Variants in BTD observed in about 807,000 individuals in gnomAD.
The protein encoded by BTD is biocytinase.
Under a neutral mutation model 17.7 loss-of-function variants are expected in BTD, and 13 were observed. That is an observed-to-expected ratio of 0.74 (90% CI 0.48 to 1.17). BTD has a LOEUF of 1.17. Among genes scored for constraint, BTD ranks in the 50% most tolerant of loss-of-function variants. BTD has a pLI of 0.00. For synonymous variants in BTD, 240 were observed against 245.2 expected, an observed-to-expected ratio of 0.98 and a Z score of 0.20; for missense variants, 674 against 650.4, an observed-to-expected ratio of 1.04 and a Z score of -0.39.
At position 15,631,357 on chromosome 3, in the gene BTD, T is replaced by C; in HGVS notation, c.-16-4067T>C. On this transcript the variant is annotated intron_variant, in intron 1 of 3. Transcript: ENST00000643237. ...TGTTTTATTTATCTTTTAAAGATTT[T>C]TTAATGTATGTATCTGCCTCTGAAA... 3 of 1,059,740 alleles carry C rather than the reference T, an allele frequency of 2.8e-6. No individual in the cohort carries two copies. In the Admixed American group the frequency reaches 8.3e-5, roughly 29 times the overall value. The allele number at this position is 1,059,740 out of a possible 1,614,324, so 65.6% of individuals were successfully genotyped here.
At chr3:15,627,391 T>TA (rs200605855) in intron 1 of BTD, among the ~76,000 whole-genome samples, 23 of 152,284 alleles carry the variant, frequency 1.5e-4, no homozygotes, top group East Asian at 3.9e-4. Flanking sequence ...CCCAGCTAAT[T>TA]AAAAAAATTT....
At chr3:15,670,244 G>A (rs750337322) in intron 3 of BTD, 2 of 1,604,878 alleles carry the variant, frequency 1.2e-6, no homozygotes, top group South Asian at 1.1e-5. Context: ...AAGCTTTACT[G>A]TGAGAACTCC....
chr3:15,636,491 T>C (rs1046006821), intron 2 of BTD, among the ~76,000 whole-genome samples: 2 of 152,164 alleles, frequency 1.3e-5, no homozygotes, highest in South Asian at 4.1e-4. Flanking sequence ...AATGCCCTGC[T>C]GGAAAACACA....
At chr3:15,657,127 C>G (rs35546547), downstream of BTD, among the ~76,000 whole-genome samples, 22,433 of 152,114 alleles carry the variant, frequency 0.15, 2,104 homozygotes, top group East Asian at 0.41. Flanking sequence ...GTTTCCCAGA[C>G]AGGGTATTAT....
At chr3:15,612,745 C>T (rs559003452) in intron 1 of BTD, among the ~76,000 whole-genome samples, 3 of 151,080 alleles carry the variant, frequency 2.0e-5, no homozygotes, top group East Asian at 3.9e-4. Context: ...ATTTACCCTA[C>T]GACCTATTCA....
intron 4 of BTD, among the ~76,000 whole-genome samples, chr3:15,719,121 C>T (rs1156978331): frequency 1.3e-5 from 2 of 152,028 alleles, no homozygotes; most frequent in Admixed American, 6.6e-5. Context: ...TATTAGGGCA[C>T]TTTGTGACAT....
At chr3:15,713,398 G>C (rs1575328786), downstream of BTD, 1 of 665,092 alleles carries the variant, frequency 1.5e-6, no homozygotes. Context: ...CAATACAAAA[G>C]AAAGTTCAAG....
downstream of BTD, among the ~76,000 whole-genome samples, chr3:15,717,060 T>C (rs117546044): frequency 2.0e-5 from 3 of 152,370 alleles, no homozygotes; most frequent in East Asian, 5.8e-4. Context: ...AATCTTGTTT[T>C]ATAGATGAGG....
At position 15,706,228 on chromosome 3, in the gene BTD, T is replaced by C. The variant is rs1015445169; in HGVS notation, c.400-3832T>C. 1.9e-4 allele frequency among the ~76,000 whole-genome samples: 29 copies of C among 152,234 alleles called. 1 individual carries two copies. Among genetic ancestry groups the C allele is most frequent in the South Asian group, 1.0e-3 (5 of 4,828 alleles). On this transcript the variant is annotated intron_variant, in intron 3 of 3. Coordinates refer to the BTD transcript ENST00000672141. ...TTACATTAGGTATACCTCCTAATGC[T>C]ATCCCTCCCCCTCCTCCCCACCCCA... is the stretch of plus-strand genomic sequence containing the variant.
Position 15,650,723 on chromosome 3 carries a change from T to G in BTD, c.*5235T>G, listed in dbSNP as rs1163724368. ...AGAGATGAACAACCTGGGCTCTTGC[T>G]TAGGGCACGTGCCCATCCTGAATCA... On this transcript the variant is annotated 3_prime_UTR_variant, in exon 4 of 4. Coordinates refer to ENST00000643237, the MANE Select transcript of BTD (RefSeq NM_001370658.1). Among the ~76,000 whole-genome samples the G allele has an allele frequency of 6.6e-6, 1 of 152,220 alleles. No individual in the cohort carries two copies. Among genetic ancestry groups the G allele is most frequent in the Non-Finnish European group, 1.5e-5 (1 of 68,032 alleles).
intron 4 of BTD, among the ~76,000 whole-genome samples, chr3:15,719,167 C>T (rs1322958115): frequency 1.3e-5 from 2 of 152,058 alleles, no homozygotes; most frequent in Non-Finnish European, 2.9e-5. Flanking sequence ...AGTATGTATA[C>T]ATTTTGTCCT....
exon 4 of BTD, chr3:15,711,284 T>C (rs1419987297): frequency 3.8e-6 from 6 of 1,598,108 alleles, no homozygotes; most frequent in Non-Finnish European, 5.1e-6. Context: ...CCTACAAGAA[T>C]GAATACATCT....
At chr3:15,602,317 T>G in intron 1 of BTD, 6 of 1,097,730 alleles carry the variant, frequency 5.5e-6, no homozygotes, top group Non-Finnish European at 6.7e-6. Context: ...GAAGGTAGTA[T>G]AGAGCACTGT....
intron 1 of BTD, chr3:15,630,134 A>G (rs1220828470): frequency 2.1e-6 from 2 of 961,726 alleles, no homozygotes; most frequent in Non-Finnish European, 2.5e-6. Flanking sequence ...AGTAAAAAAC[A>G]GCTTTCATGA....
chr3:15,670,217 T>C (rs1025547409), intron 3 of BTD: 21 of 1,566,378 alleles, frequency 1.3e-5, no homozygotes, highest in Non-Finnish European at 2.6e-6. Context: ...GCCTTTTTCC[T>C]GAAAAAGCAC....
intron 3 of BTD, 33 bp from the exon 4 acceptor site, chr3:15,644,283 A>T: frequency 1.3e-6 from 2 of 1,598,774 alleles, no homozygotes; most frequent in East Asian, 2.2e-5. Context: ...TACAGGCAAA[A>T]ACCTCATTTA....
exon 4 of BTD, among the ~76,000 whole-genome samples, chr3:15,711,577 G>C (rs1426220408): frequency 2.0e-5 from 3 of 152,204 alleles, no homozygotes; most frequent in Admixed American, 6.5e-5. Context: ...TTCAGAACAG[G>C]CAAATTTTAT....
exon 4 of BTD, chr3:15,712,292 C>T: frequency 8.2e-7 from 1 of 1,213,920 alleles, no homozygotes; most frequent in South Asian, 1.3e-5. Context: ...AAATACATTA[C>T]AAAGAGACCA....
chr3:15,700,745 G>T (rs1260217257), intron 3 of BTD, among the ~76,000 whole-genome samples: 6 of 152,186 alleles, frequency 3.9e-5, no homozygotes, highest in African/African-American at 1.4e-4. Context: ...CTGCACTCCA[G>T]CCTGGCGACA....
Sources: gnomAD v4.1 joint callset for allele counts (sites outside exome capture counted in the v4.1 genomes callset) on GRCh38, gnomAD v4.1.1 for gene constraint, MANE v1.5 for transcripts, NCBI Gene and HGNC (gene_info 2026-07-23, HGNC 2026-07-21) for gene names.